Variants in SUZ12 observed in about 807,000 individuals in gnomAD.
SUZ12 encodes SUZ12 polycomb repressive complex 2 subunit, also known as polycomb protein SUZ12.
SUZ12 carries 17 observed loss-of-function variants against 87.3 expected under a neutral mutation model. The ratio of observed to expected loss-of-function variants is 0.19; its 90% confidence interval spans 0.13 to 0.29. The LOEUF (loss-of-function observed/expected upper bound fraction) is 0.29, where lower values mean the gene tolerates loss of function less well. SUZ12 is among the 10% of genes least tolerant of loss of function. The pLI is 1.00. For synonymous variants in SUZ12, 253 were observed against 312.4 expected, an observed-to-expected ratio of 0.81 and a Z score of 2.01; for missense variants, 526 against 912.2, an observed-to-expected ratio of 0.58 and a Z score of 5.45.
intron 11 of SUZ12, 81 bp downstream of exon 11, chr17:31,993,414 TTTTTA>T (rs1218225875): frequency 2.1e-6 from 2 of 962,942 alleles, no homozygotes; most frequent in Admixed American, 2.9e-5. Flanking sequence ...TTTTTGTTCA[TTTTTA>T]TTTTATTTAT....
At chr17:31,954,826 A>G (rs8069199) in intron 4 of SUZ12, among the ~76,000 whole-genome samples, 23,655 of 152,152 alleles carry the variant, frequency 0.16, 2,032 homozygotes, top group African/African-American at 0.22. Flanking sequence ...GGAATATTAC[A>G]TATAAAGCAT....
intron 4 of SUZ12, among the ~76,000 whole-genome samples, chr17:31,958,887 G>A (rs1309757027): frequency 2.0e-5 from 3 of 151,474 alleles, no homozygotes; most frequent in Non-Finnish European, 2.9e-5. Context: ...GCATGGTGGC[G>A]TGCACCTGTA....
intron 3 of SUZ12, among the ~76,000 whole-genome samples, chr17:31,947,237 C>T (rs1906689274): frequency 6.6e-6 from 1 of 152,078 alleles, no homozygotes; most frequent in African/African-American, 2.4e-5. Context: ...AGAGCAATTA[C>T]TGCCCTTCAG....
intron 10 of SUZ12, among the ~76,000 whole-genome samples, chr17:31,991,407 G>A (rs2142210565): frequency 6.9e-6 from 1 of 145,494 alleles, no homozygotes; most frequent in South Asian, 2.1e-4. Flanking sequence ...GAAAGGTTTT[G>A]CAAGTAAACT....
chr17:31,944,216 C>G (rs1469457227), intron 3 of SUZ12, among the ~76,000 whole-genome samples: 1 of 151,618 alleles, frequency 6.6e-6, no homozygotes, highest in African/African-American at 2.4e-5. Flanking sequence ...GCCACTTCCA[C>G]CTCCTGGGTT....
chr17:31,948,275 T>C (rs1268315658), intron 4 of SUZ12, among the ~76,000 whole-genome samples: 1 of 152,212 alleles, frequency 6.6e-6, no homozygotes, highest in Non-Finnish European at 1.5e-5. Flanking sequence ...TTCTGACTAG[T>C]CTGATATCTG....
At chr17:31,972,404 T>A (rs1179665493) in intron 5 of SUZ12, among the ~76,000 whole-genome samples, 7 of 147,876 alleles carry the variant, frequency 4.7e-5, no homozygotes, top group South Asian at 2.1e-4. Context: ...TATATATATA[T>A]AAATAGAAAT....
At chr17:31,964,226 C>T (rs1032990531) in intron 4 of SUZ12, among the ~76,000 whole-genome samples, 3 of 151,738 alleles carry the variant, frequency 2.0e-5, no homozygotes, top group African/African-American at 4.8e-5. Flanking sequence ...TGGGTTTCAC[C>T]GTGTTAGCCA....
At chr17:31,983,848 AT>A (rs1909259451) in intron 9 of SUZ12, among the ~76,000 whole-genome samples, 1 of 152,222 alleles carries the variant, frequency 6.6e-6, no homozygotes. Context: ...TTATCAAGAA[AT>A]CTGCAGAATT....
rs190292582 is a variant in SUZ12, at chr17:31,954,570, A to G, written c.455+6885A>G. Reference sequence around the variant, plus strand: ...CAAAATGGATGAAGGCCCTGCCTTTATGGAGCTTAGTGTTAGGGGAGAAAG... The same window carrying G: ...CAAAATGGATGAAGGCCCTGCCTTTGTGGAGCTTAGTGTTAGGGGAGAAAG... On this transcript the variant is annotated intron_variant, in intron 4 of 15. Coordinates refer to ENST00000322652, the MANE Select transcript of SUZ12 (RefSeq NM_015355.4). Among the ~76,000 whole-genome samples the G allele has an allele frequency of 2.7e-5, 4 of 147,568 alleles. No individual in the cohort carries two copies. In the East Asian group the frequency reaches 7.7e-4, roughly 28 times the overall value.
intron 1 of SUZ12, among the ~76,000 whole-genome samples, chr17:31,938,727 C>A (rs1183216558): frequency 6.6e-6 from 1 of 152,166 alleles, no homozygotes; most frequent in Non-Finnish European, 1.5e-5. Flanking sequence ...TAAAGTATCT[C>A]ATCTCCCTTT....
chr17:31,977,337 G>A (rs972545344), intron 8 of SUZ12, among the ~76,000 whole-genome samples: 3 of 150,814 alleles, frequency 2.0e-5, no homozygotes, highest in African/African-American at 7.3e-5. Flanking sequence ...GAGTGCAGTG[G>A]CGCAATCTCT....
At chr17:31,947,582 G>A (rs1906707320) in intron 3 of SUZ12, 35 bp from the exon 4 acceptor site, 1 of 1,590,734 alleles carries the variant, frequency 6.3e-7, no homozygotes, top group Admixed American at 1.8e-5. Context: ...TTTCCCAGTT[G>A]AGAAGTGATT....
chr17:31,981,310 C>T (rs1346898799), intron 8 of SUZ12, among the ~76,000 whole-genome samples: 2 of 152,078 alleles, frequency 1.3e-5, no homozygotes, highest in African/African-American at 4.8e-5. Context: ...AAGAAGTTTA[C>T]CAAAATAGAT....
At chr17:31,976,730 C>T (rs1484121165) in intron 8 of SUZ12, 116 bp downstream of exon 8, 16 of 810,098 alleles carry the variant, frequency 2.0e-5, no homozygotes, top group East Asian at 2.9e-5. Context: ...TTTATTCTTA[C>T]GGATGAAAAA....
At chr17:31,985,797 C>T (rs749952782) in intron 9 of SUZ12, among the ~76,000 whole-genome samples, 1 of 151,160 alleles carries the variant, frequency 6.6e-6, no homozygotes, top group Non-Finnish European at 1.5e-5. Context: ...TGAGTAGCTG[C>T]GATCACAGGT....
At chr17:31,951,866 C>T (rs1240351453) in intron 4 of SUZ12, among the ~76,000 whole-genome samples, 1 of 151,530 alleles carries the variant, frequency 6.6e-6, no homozygotes, top group African/African-American at 2.4e-5. Flanking sequence ...CCTCTGTCCC[C>T]CAGGTTCAAG....
At chr17:31,996,679 T>C in intron 14 of SUZ12, 119 bp from the exon 15 acceptor site, 1 of 599,464 alleles carries the variant, frequency 1.7e-6, no homozygotes, top group Non-Finnish European at 2.8e-6. Context: ...TTAAGAAATG[T>C]TGCCACTTTG....
chr17:31,952,352 G>A (rs545561568), intron 4 of SUZ12, among the ~76,000 whole-genome samples: 177 of 152,250 alleles, frequency 1.2e-3, no homozygotes, highest in Admixed American at 6.1e-3. Flanking sequence ...GAGCCACCAC[G>A]CCTGGCCTTT....
Sources: gnomAD v4.1 joint callset for allele counts (sites outside exome capture counted in the v4.1 genomes callset) on GRCh38, gnomAD v4.1.1 for gene constraint, MANE v1.5 for transcripts, NCBI Gene and HGNC (gene_info 2026-07-23, HGNC 2026-07-21) for gene names.